Variants in TIAM2 observed in about 807,000 individuals in gnomAD.
TIAM2 encodes the protein rho guanine nucleotide exchange factor TIAM2.
Under a neutral mutation model 152.9 loss-of-function variants are expected in TIAM2, and 80 were observed. That is an observed-to-expected ratio of 0.52 (90% CI 0.44 to 0.63). The LOEUF is 0.63. Among genes scored for constraint, TIAM2 ranks in the 30% least tolerant of loss-of-function variants. TIAM2 has a pLI of 0.00. For missense variants in TIAM2, 1,965 were observed against 2,120.1 expected, an observed-to-expected ratio of 0.93 and a Z score of 1.44; for synonymous variants, 804 against 838.0, an observed-to-expected ratio of 0.96 and a Z score of 0.70.
In TIAM2 at chr6:154,996,285, T is replaced by A. The variant is rs182580801; in HGVS notation, c.-209+793T>A. Among the ~76,000 whole-genome samples the A allele has an allele frequency of 6.6e-3, 1,011 of 152,324 alleles. 3 individuals are homozygous for A. The highest frequency in any genetic ancestry group is 9.5e-3 in the Admixed American group (145 of 15,302). On this transcript the variant is annotated intron_variant, in intron 1 of 26. Coordinates refer to ENST00000682666, the MANE Select transcript of TIAM2 (RefSeq NM_012454.4). Reference sequence around the variant, plus strand: ...TTGATGAGCTTGCATGCCGTTTTTTTAAAATAGACAAATAGGTTAACTTTA... The same window carrying A: ...TTGATGAGCTTGCATGCCGTTTTTTAAAAATAGACAAATAGGTTAACTTTA...
intron 4 of TIAM2, among the ~76,000 whole-genome samples, chr6:155,132,357 T>G (rs1302804249): frequency 6.6e-6 from 1 of 151,424 alleles, no homozygotes; most frequent in Non-Finnish European, 1.5e-5. Flanking sequence ...TTGACTTTCG[T>G]TACTTCCTTC....
intron 9 of TIAM2, among the ~76,000 whole-genome samples, chr6:155,166,034 TTAA>T (rs1780427561): frequency 6.6e-6 from 1 of 152,138 alleles, no homozygotes; most frequent in Admixed American, 6.5e-5. Context: ...AAATGGAAAA[TTAA>T]TAATCAGAGG....
At chr6:155,122,528 T>TGGGGATTGGGACGGAA (rs1562323346) in intron 2 of TIAM2, among the ~76,000 whole-genome samples, 1 of 151,986 alleles carries the variant, frequency 6.6e-6, no homozygotes, top group African/African-American at 2.4e-5. Flanking sequence ...GGTAGGATTT[T>TGGGGATTGGGACGGAA]TTTTTTTTGT....
chr6:155,076,756 C>T (rs368914398), intron 1 of TIAM2, among the ~76,000 whole-genome samples: 18 of 152,222 alleles, frequency 1.2e-4, no homozygotes, highest in Middle Eastern at 3.4e-3. Flanking sequence ...TGCAGTGGCA[C>T]GTGATTGTGG....
At position 155,252,953 on chromosome 6, in the gene TIAM2, G is replaced by A. The variant is rs545488093; in HGVS notation, c.4125G>A (p.Ser1375=). ...GGTGGGCCTTCATGTTACAGCCCTC[G>A]AATTCCCGGCCTGCACACAACTCTA... ...ENCKLKKKLP[S]NSRPAHNSTD... Residue 1375 remains serine, a synonymous_variant, in exon 24 of 27, where the codon TCG becomes TCA. Coordinates refer to ENST00000682666, the MANE Select transcript of TIAM2 (RefSeq NM_012454.4). 9.9e-6 allele frequency: 16 copies of A among 1,613,966 alleles called. No homozygotes were observed. Among genetic ancestry groups the A allele is most frequent in the Admixed American group, 1.7e-5 (1 of 60,004 alleles).
At chr6:155,212,939 T>C (rs77144134) in intron 15 of TIAM2, among the ~76,000 whole-genome samples, 374 of 152,240 alleles carry the variant, frequency 2.5e-3, no homozygotes, top group African/African-American at 8.6e-3. Context: ...GGATCACACA[T>C]ATTACAAGCA....
intron 15 of TIAM2, among the ~76,000 whole-genome samples, chr6:155,220,898 G>A (rs1782018356): frequency 6.6e-6 from 1 of 152,002 alleles, no homozygotes; most frequent in South Asian, 2.1e-4. Context: ...TATTTCTCCT[G>A]ACGCTATCCG....
intron 5 of TIAM2, among the ~76,000 whole-genome samples, chr6:155,138,246 G>A (rs905234906): frequency 3.3e-5 from 5 of 152,180 alleles, no homozygotes; most frequent in Non-Finnish European, 5.9e-5. Context: ...AAAAAAGTCA[G>A]TAACCAAAGG....
chr6:155,210,059 A>G (rs1043520590), intron 14 of TIAM2, among the ~76,000 whole-genome samples: 16 of 152,092 alleles, frequency 1.1e-4, no homozygotes, highest in African/African-American at 3.9e-4. Flanking sequence ...AGTTGAGGGG[A>G]CATTCTATCA....
In TIAM2 at chr6:155,156,517, G is replaced by A. The variant is rs1341392746; in HGVS notation, c.2029-7898G>A. ...TAAAAATACAAAAATAATTAGCCAG[G>A]TGTCGTGGCGCATACCTGTAATCCC... On this transcript the variant is annotated intron_variant, in intron 7 of 26. Coordinates refer to ENST00000682666, the MANE Select transcript of TIAM2 (RefSeq NM_012454.4). The surrounding 1 kb of genome is among the most constrained non-coding windows in gnomAD (Gnocchi z 4.4). Among the ~76,000 whole-genome samples the A allele has an allele frequency of 1.3e-5, 2 of 152,162 alleles. No homozygotes were observed. Among genetic ancestry groups the A allele is most frequent in the East Asian group, 3.9e-4 (2 of 5,176 alleles).
intron 20 of TIAM2, among the ~76,000 whole-genome samples, chr6:155,249,513 T>C (rs1191219071): frequency 6.6e-6 from 1 of 152,244 alleles, no homozygotes; most frequent in Non-Finnish European, 1.5e-5. Flanking sequence ...CTTTGAGTTA[T>C]TGCGGGCACT....
At chr6:155,035,433 C>T (rs533784243) in intron 1 of TIAM2, among the ~76,000 whole-genome samples, 2 of 152,190 alleles carry the variant, frequency 1.3e-5, no homozygotes, top group South Asian at 4.2e-4. Context: ...GTTGATCAGG[C>T]TGGTCTCAAA....
At chr6:155,100,863 G>A (rs542615713) in intron 2 of TIAM2, among the ~76,000 whole-genome samples, 16 of 152,244 alleles carry the variant, frequency 1.1e-4, no homozygotes, top group Admixed American at 4.6e-4. Flanking sequence ...AAACTGAGGC[G>A]CAGAGAAATT....
intron 1 of TIAM2, among the ~76,000 whole-genome samples, chr6:155,042,872 C>A (rs1250045228): frequency 6.6e-6 from 1 of 152,120 alleles, no homozygotes; most frequent in African/African-American, 2.4e-5. Flanking sequence ...ACTTACTCCT[C>A]CCGTCTAATT....
chr6:155,048,474 A>G (rs1777251088), intron 1 of TIAM2, among the ~76,000 whole-genome samples: 1 of 152,184 alleles, frequency 6.6e-6, no homozygotes, highest in Non-Finnish European at 1.5e-5. Flanking sequence ...ACATACACAG[A>G]GAAGAAAACA....
chr6:155,244,918 T>G (rs1383827666), intron 18 of TIAM2, 135 bp downstream of exon 18: 1 of 1,147,628 alleles, frequency 8.7e-7, no homozygotes. Context: ...ACTATTTCCT[T>G]GCACCGTTTT....
intron 1 of TIAM2, among the ~76,000 whole-genome samples, chr6:155,083,346 C>T (rs1778110279): frequency 1.0e-5 from 1 of 95,884 alleles, no homozygotes; most frequent in African/African-American, 3.8e-5. Flanking sequence ...GAGACTTTAT[C>T]TCAAAAAAAA....
In TIAM2 at chr6:155,126,484, C is replaced by T. The variant is rs145875233; in HGVS notation, c.-117-1006C>T. Among the ~76,000 whole-genome samples the T allele has an allele frequency of 7.9e-3, 1,207 of 152,270 alleles. 26 individuals carry two copies. Among genetic ancestry groups the T allele is most frequent in the African/African-American group, 0.027 (1,133 of 41,554 alleles). On this transcript the variant is annotated intron_variant, in intron 2 of 26. Transcript: ENST00000682666. ...CGGTGGCTCACGCCTGTAATCCCCG[C>T]GCTTTGGGAGGCTGAGGTGAGCAGA...
chr6:155,161,010 G>A (rs1167600823), intron 7 of TIAM2, among the ~76,000 whole-genome samples: 2 of 152,152 alleles, frequency 1.3e-5, no homozygotes, highest in Non-Finnish European at 2.9e-5. Context: ...TTGGGCTATT[G>A]GGGTGTCCCA....
Sources: allele counts gnomAD v4.1 joint callset (sites outside exome capture counted in the v4.1 genomes callset), GRCh38; gene constraint gnomAD v4.1.1; non-coding constraint Gnocchi (gnomAD v3.1); transcripts MANE v1.5; gene names NCBI Gene and HGNC (gene_info 2026-07-23, HGNC 2026-07-21).